Variants in DLG1 observed in about 807,000 individuals in gnomAD.
The protein encoded by DLG1 is disks large homolog 1.
DLG1 carries 42 observed loss-of-function variants against 123.4 expected under a neutral mutation model. The observed-to-expected ratio is 0.34, with a 90% confidence interval of 0.27 to 0.44. DLG1 has a LOEUF of 0.44. DLG1 is among the 20% of genes least tolerant of loss of function. DLG1 has a pLI of 1.00. For missense variants in DLG1, 942 were observed against 1,082.6 expected, an observed-to-expected ratio of 0.87 and a Z score of 1.82; for synonymous variants, 317 against 356.2, an observed-to-expected ratio of 0.89 and a Z score of 1.24.
At chr3:197,082,377 A>G (rs1751700303) in intron 16 of DLG1, among the ~76,000 whole-genome samples, 1 of 151,938 alleles carries the variant, frequency 6.6e-6, no homozygotes, top group Admixed American at 6.6e-5. Context: ...CCCCCACCCC[A>G]AACAAAAAAA....
chr3:197,157,643 A>C (rs1796948528), intron 5 of DLG1, among the ~76,000 whole-genome samples: 1 of 152,222 alleles, frequency 6.6e-6, no homozygotes, highest in Non-Finnish European at 1.5e-5. Flanking sequence ...GACTTAATGC[A>C]ATTCCTATCA....
chr3:197,158,129 T>C (rs1424197107), intron 5 of DLG1, among the ~76,000 whole-genome samples: 1 of 152,046 alleles, frequency 6.6e-6, no homozygotes, highest in Non-Finnish European at 1.5e-5. Context: ...GTCAAGGAAC[T>C]CATACAGACA....
intron 18 of DLG1, chr3:197,075,748 G>T: frequency 1.7e-6 from 2 of 1,143,862 alleles, no homozygotes; most frequent in Non-Finnish European, 1.3e-6. Flanking sequence ...TGCCAGAAAG[G>T]CACTACCATG....
chr3:197,105,551 A>G (rs1765864155), intron 13 of DLG1, among the ~76,000 whole-genome samples: 1 of 152,236 alleles, frequency 6.6e-6, no homozygotes, highest in African/African-American at 2.4e-5. Context: ...ATTAGAATAA[A>G]TGTTAATTAA....
At chr3:197,188,705 G>C (rs1422193919) in intron 5 of DLG1, among the ~76,000 whole-genome samples, 3 of 152,000 alleles carry the variant, frequency 2.0e-5, no homozygotes, top group African/African-American at 4.8e-5. Flanking sequence ...CTATAAAAGA[G>C]GAAAAGCTCT....
chr3:197,081,629 G>A (rs1751182177), intron 16 of DLG1, among the ~76,000 whole-genome samples: 1 of 151,982 alleles, frequency 6.6e-6, no homozygotes, highest in Non-Finnish European at 1.5e-5. Context: ...TAAAAATTAA[G>A]CCTAATTTTA....
intron 14 of DLG1, among the ~76,000 whole-genome samples, chr3:197,102,460 C>T (rs941293455): frequency 1.3e-5 from 2 of 152,210 alleles, no homozygotes; most frequent in Admixed American, 6.5e-5. Flanking sequence ...TCCTTTTGTA[C>T]TTCTTAAAAT....
intron 24 of DLG1, among the ~76,000 whole-genome samples, chr3:197,049,579 C>T (rs62409322): frequency 0.33 from 49,519 of 151,986 alleles, 9,721 homozygotes; most frequent in East Asian, 0.72. Context: ...ATGGGGAAAC[C>T]CCATCTCTAC....
intron 4 of DLG1, among the ~76,000 whole-genome samples, chr3:197,227,901 T>C (rs1184643987): frequency 6.6e-6 from 1 of 152,210 alleles, no homozygotes; most frequent in Non-Finnish European, 1.5e-5. Context: ...AAGTCAAATG[T>C]CAACTGTAAC....
intron 4 of DLG1, among the ~76,000 whole-genome samples, chr3:197,247,043 G>A (rs761134776): frequency 6.6e-6 from 1 of 152,204 alleles, no homozygotes; most frequent in Admixed American, 6.5e-5. Flanking sequence ...CAGTCCCATA[G>A]GGGTTATTTA....
intron 23 of DLG1, among the ~76,000 whole-genome samples, chr3:197,056,897 T>C (rs567650069): frequency 3.9e-5 from 6 of 152,308 alleles, no homozygotes; most frequent in Non-Finnish European, 7.4e-5. Context: ...AGTATGTATA[T>C]CTTTAGGTCT....
At chr3:197,225,635 A>T (rs181799380) in intron 4 of DLG1, among the ~76,000 whole-genome samples, 1 of 152,240 alleles carries the variant, frequency 6.6e-6, no homozygotes, top group Non-Finnish European at 1.5e-5. Flanking sequence ...TCATTAATGG[A>T]AAATGACATT....
rs1057501877 is a variant in DLG1 at position 197,236,439 on chromosome 3, T to C, written c.319-41850A>G. On this transcript the variant is annotated intron_variant, in intron 4 of 24. Transcript: ENST00000667157. ...GTTCTTCACGCTGAAAAAAAATACA[T>C]CAGGTGACCTACAAGATAAAATAAA... 5.3e-5 allele frequency among the ~76,000 whole-genome samples: 8 copies of C among 152,256 alleles called. 1 individual carries two copies. The highest frequency in any genetic ancestry group is 1.9e-4 in the African/African-American group (8 of 41,550).
At chr3:197,281,014 T>C (rs893347799) in intron 4 of DLG1, among the ~76,000 whole-genome samples, 6 of 144,866 alleles carry the variant, frequency 4.1e-5, no homozygotes, top group East Asian at 1.9e-4. Flanking sequence ...AAACTTTTTG[T>C]GGAGGCTCTT....
At position 197,042,699 on chromosome 3, in the gene DLG1, C is replaced by T. The variant is rs1720947143; in HGVS notation, c.*1924G>A. The T allele has an allele frequency of 6.6e-6, 1 of 152,130 alleles. No individual in the cohort carries two copies. Among genetic ancestry groups the T allele is most frequent in the South Asian group, 2.1e-4 (1 of 4,826 alleles). 9.4% of individuals were successfully genotyped at this position (152,130 alleles called of 1,614,324 possible). ...GTCTTGTAAGGCAGTTTCTGAAGCT[C>T]TTGAGATTTTACAACAGTTTTCTTC... On this transcript the variant is annotated 3_prime_UTR_variant, in exon 25 of 25. Coordinates refer to ENST00000667157, the MANE Select transcript of DLG1 (RefSeq NM_001366207.1).
At chr3:197,068,541 T>G in intron 19 of DLG1, 1 of 1,573,946 alleles carries the variant, frequency 6.4e-7, no homozygotes, top group Non-Finnish European at 8.6e-7. Flanking sequence ...AAGATTACTT[T>G]CATATTAGAC....
chr3:197,114,962 C>A (rs1165383290), intron 13 of DLG1, among the ~76,000 whole-genome samples: 1 of 120,248 alleles, frequency 8.3e-6, no homozygotes, highest in East Asian at 2.7e-4. Context: ...CCAGCCTGGG[C>A]AACAGAGCGA....
intron 11 of DLG1, among the ~76,000 whole-genome samples, chr3:197,129,948 T>A (rs1032993400): frequency 6.6e-6 from 1 of 152,048 alleles, no homozygotes; most frequent in Non-Finnish European, 1.5e-5. Context: ...GTAACAGATA[T>A]AATAATAATG....
At chr3:197,277,095 T>C (rs985722766) in intron 4 of DLG1, among the ~76,000 whole-genome samples, 1 of 152,032 alleles carries the variant, frequency 6.6e-6, no homozygotes, top group Non-Finnish European at 1.5e-5. Flanking sequence ...TTTCACCATG[T>C]TTCCCAGGCT....
Sources: allele counts gnomAD v4.1 joint callset (sites outside exome capture counted in the v4.1 genomes callset), GRCh38; gene constraint gnomAD v4.1.1; transcripts MANE v1.5; gene names NCBI Gene and HGNC (gene_info 2026-07-23, HGNC 2026-07-21).